The following ADCK1 variants were observed in gnomAD, a reference collection of about 807,000 sequenced individuals.
The protein encoded by ADCK1 is aarF domain-containing protein kinase 1.
ADCK1 carries 41 observed loss-of-function variants against 52.3 expected under a neutral mutation model. The ratio of observed to expected loss-of-function variants is 0.78; its 90% CI spans 0.61 to 1.02. The LOEUF (loss-of-function observed/expected upper bound fraction) is 1.02. Among genes scored for constraint, ADCK1 ranks in the 50% least tolerant of loss-of-function variants. The probability of loss-of-function intolerance (pLI) is 0.00; values close to 1 mark genes in which losing one functional copy is unlikely to be tolerated. For synonymous variants in ADCK1, 250 were observed against 274.6 expected (o/e 0.91, Z 0.89); for missense variants, 658 against 679.5 (o/e 0.97, Z 0.35).
Position 77,816,337 on chromosome 14 carries a change from A to G in ADCK1, c.-11-2631A>G, listed in dbSNP as rs61990722. ...TTTTTTTTGGTGTGTGTTAGGCCTC[A>G]GGGCCAGGCCTTAGGAATCAGAATC... On this transcript the variant is annotated intron_variant, in intron 1 of 10. Transcript: ENST00000238561. Among the ~76,000 whole-genome samples, 15 of 152,216 alleles carry G rather than the reference A, an allele frequency of 9.9e-5. No homozygotes were observed. In the East Asian group the frequency reaches 1.9e-3, roughly 20 times the overall value.
At chr14:77,903,487 G>A (rs560978718) in intron 6 of ADCK1, among the ~76,000 whole-genome samples, 4 of 152,330 alleles carry the variant, frequency 2.6e-5, no homozygotes, top group Non-Finnish European at 4.4e-5. Context: ...CAAATATGGC[G>A]TCAGGGGGAC....
At chr14:77,883,709 G>A (rs1452051049) in intron 4 of ADCK1, among the ~76,000 whole-genome samples, 4 of 152,118 alleles carry the variant, frequency 2.6e-5, no homozygotes, top group Non-Finnish European at 4.4e-5. Flanking sequence ...GGAGGTGGTG[G>A]GGTGGGGTGT....
At chr14:77,905,534 G>A (rs1555358292) in intron 6 of ADCK1, among the ~76,000 whole-genome samples, 1 of 151,916 alleles carries the variant, frequency 6.6e-6, no homozygotes, top group Non-Finnish European at 1.5e-5. Flanking sequence ...GGTGGGGCTG[G>A]CTAGAGATTT....
intron 9 of ADCK1, among the ~76,000 whole-genome samples, chr14:77,928,839 C>T (rs1203389682): frequency 6.6e-6 from 1 of 152,132 alleles, no homozygotes; most frequent in East Asian, 1.9e-4. Flanking sequence ...TTCCAGAAAG[C>T]CTGTTCTTAT....
chr14:77,913,542 C>A (rs747377856), intron 7 of ADCK1, among the ~76,000 whole-genome samples: 1 of 152,202 alleles, frequency 6.6e-6, no homozygotes, highest in Non-Finnish European at 1.5e-5. Flanking sequence ...AAGTAAAGGT[C>A]GTGCAGGAGT....
intron 3 of ADCK1, among the ~76,000 whole-genome samples, chr14:77,854,461 G>A (rs1297712428): frequency 6.6e-6 from 1 of 152,004 alleles, no homozygotes; most frequent in African/African-American, 2.4e-5. Flanking sequence ...ATTTTCTGGT[G>A]CTTTGACATC....
intron 4 of ADCK1, among the ~76,000 whole-genome samples, chr14:77,875,839 C>G (rs1470047696): frequency 6.6e-6 from 1 of 152,170 alleles, no homozygotes; most frequent in Non-Finnish European, 1.5e-5. Context: ...TTCAAGTGTC[C>G]TCGCCTGGCA....
intron 4 of ADCK1, among the ~76,000 whole-genome samples, chr14:77,883,534 G>T (rs1413705736): frequency 6.6e-6 from 1 of 152,134 alleles, no homozygotes; most frequent in Non-Finnish European, 1.5e-5. Flanking sequence ...ATTACAGGCT[G>T]CAGCACCAAT....
At chr14:77,840,358 A>G (rs1408949855) in intron 3 of ADCK1, among the ~76,000 whole-genome samples, 1 of 151,752 alleles carries the variant, frequency 6.6e-6, no homozygotes, top group Non-Finnish European at 1.5e-5. Flanking sequence ...TCCATCTTGT[A>G]AAGGCTGTCC....
intron 4 of ADCK1, among the ~76,000 whole-genome samples, chr14:77,873,680 A>G (rs1406321164): frequency 6.6e-6 from 1 of 152,180 alleles, no homozygotes; most frequent in African/African-American, 2.4e-5. Context: ...GTTAGTTCTC[A>G]CATAATCTGA....
chr14:77,850,172 ACTT>A (rs1482780899), intron 3 of ADCK1, among the ~76,000 whole-genome samples: 2 of 152,136 alleles, frequency 1.3e-5, no homozygotes, highest in Admixed American at 1.3e-4. Context: ...GTGTCACTAT[ACTT>A]CAGCCTAGGA....
chr14:77,862,047 T>C (rs2082560828), intron 4 of ADCK1, among the ~76,000 whole-genome samples: 1 of 152,214 alleles, frequency 6.6e-6, no homozygotes, highest in South Asian at 2.1e-4. Context: ...AGACCTCATG[T>C]CCTCTAATTC....
At chr14:77,862,986 T>C (rs748231332) in intron 4 of ADCK1, among the ~76,000 whole-genome samples, 19 of 152,156 alleles carry the variant, frequency 1.2e-4, no homozygotes, top group Non-Finnish European at 4.4e-5. Flanking sequence ...GAGGAAGTGA[T>C]TACTGATTAA....
In ADCK1 at chr14:77,924,499, G is replaced by C; in HGVS notation, c.901G>C (p.Val301Leu). The C allele has an allele frequency of 6.2e-7, 1 of 1,614,122 alleles. No individual in the cohort carries two copies. The highest frequency in any genetic ancestry group is 8.5e-7 in the Non-Finnish European group (1 of 1,180,034). The change falls in exon 8 of 11, where the codon GTC (valine) becomes CTC (leucine). Residue 301 changes from valine to leucine, a missense_variant. Physicochemically the swap from Val to Leu is conservative, Grantham distance 32. Coordinates refer to ENST00000238561, the MANE Select transcript of ADCK1 (RefSeq NM_020421.4). ...CAAGATGTATAGTGAGATGATCTTCGTCAATGGCTTCGTGCACTGCGATCC... is the reference window on the plus strand; with the variant it reads ...CAAGATGTATAGTGAGATGATCTTCCTCAATGGCTTCGTGCACTGCGATCC... ...LGKMYSEMIF[V>L]NGFVHCDPHP...
At chr14:77,898,954 CTA>C in intron 5 of ADCK1, 144 bp from the exon 6 acceptor site, 1 of 1,077,784 alleles carries the variant, frequency 9.3e-7, no homozygotes, top group South Asian at 1.5e-5. Context: ...CAGGAGCCTA[CTA>C]TGTTTCCCTC....
chr14:77,809,425 G>T (rs575970646), intron 1 of ADCK1, among the ~76,000 whole-genome samples: 1 of 152,022 alleles, frequency 6.6e-6, no homozygotes, highest in Admixed American at 6.6e-5. Flanking sequence ...CGCCTCCCGG[G>T]TTCAAGCGAT....
At chr14:77,842,103 A>G (rs1268624562) in intron 3 of ADCK1, among the ~76,000 whole-genome samples, 2 of 152,118 alleles carry the variant, frequency 1.3e-5, no homozygotes, top group Non-Finnish European at 2.9e-5. Context: ...TAAAACAATC[A>G]AACATGACAC....
At chr14:77,900,661 G>A (rs183523986) in intron 6 of ADCK1, 207 of 451,080 alleles carry the variant, frequency 4.6e-4, no homozygotes, top group African/African-American at 3.6e-3. Flanking sequence ...TCACCGACTC[G>A]CAGCGATGTC....
At chr14:77,918,671 G>A (rs1360666715) in intron 7 of ADCK1, among the ~76,000 whole-genome samples, 1 of 152,180 alleles carries the variant, frequency 6.6e-6, no homozygotes, top group Non-Finnish European at 1.5e-5. Flanking sequence ...ACAATTCTAA[G>A]AGCTGTTATC....
Sources: gnomAD v4.1 joint callset for allele counts (sites outside exome capture counted in the v4.1 genomes callset) on GRCh38, gnomAD v4.1.1 for gene constraint, MANE v1.5 for transcripts, NCBI Gene and HGNC (gene_info 2026-07-23, HGNC 2026-07-21) for gene names.